Variants in UBE4A observed in about 807,000 individuals in gnomAD.
UBE4A encodes the protein ubiquitination factor E4A, also known as ubiquitin conjugation factor E4 A.
A neutral mutation model predicts 117.9 loss-of-function variants in UBE4A; 48 were observed. The ratio of observed to expected loss-of-function variants is 0.41; its 90% CI spans 0.32 to 0.52. UBE4A has a LOEUF of 0.52. Among genes scored for constraint, UBE4A ranks in the 20% least tolerant of loss-of-function variants. UBE4A has a pLI of 0.33. For synonymous variants in UBE4A, 407 were observed against 450.0 expected (o/e 0.90, Z 1.21); for missense variants, 1,067 against 1,296.3 (o/e 0.82, Z 2.72).
At chr11:118,372,408 C>T (rs1253714228) in intron 5 of UBE4A, 99 bp from the exon 6 acceptor site, 4 of 1,232,354 alleles carry the variant, frequency 3.2e-6, no homozygotes, top group East Asian at 5.3e-5. Context: ...CAAGCATCCA[C>T]AGGAGACCAG....
In UBE4A at chr11:118,384,617, G is replaced by A. The variant is rs782086643; in HGVS notation, c.2198-18G>A. ...ATGGCACCGCCTTTGCTGATATTTCGCTCTTGCCTTACTCCAGGAGACCCC... is the reference window on the plus strand; with the variant it reads ...ATGGCACCGCCTTTGCTGATATTTCACTCTTGCCTTACTCCAGGAGACCCC... On this transcript the variant is annotated intron_variant, in intron 13 of 19. Transcript: ENST00000252108. The A allele has an allele frequency of 7.5e-6, 12 of 1,607,910 alleles. No individual in the cohort carries two copies. Among genetic ancestry groups the A allele is most frequent in the South Asian group, 3.3e-5 (3 of 90,922 alleles).
Position 118,365,097 on chromosome 11 carries a change from A to T in UBE4A, c.17A>T (p.Asn6Ile). 6.2e-7 allele frequency: 1 copy of T among 1,614,022 alleles called. No individual in the cohort carries two copies. Among genetic ancestry groups the T allele is most frequent in the Non-Finnish European group, 8.5e-7 (1 of 1,179,966 alleles). ...TAAAGTGAAATGACAGACCAGGAGA[A>T]TAACAACAACATCTCAAGTAACCCC... MTDQE[N>I]NNNISSNPFA... is the part of the protein sequence containing the mutation. Residue 6 changes from asparagine to isoleucine, a missense_variant, in exon 2 of 20, where the codon AAT becomes ATT. Physicochemically the swap from Asn to Ile is moderately radical, Grantham distance 149. Coordinates refer to ENST00000252108, the MANE Select transcript of UBE4A (RefSeq NM_001204077.2).
chr11:118,372,640 T>A lies in UBE4A; in HGVS notation c.695T>A (p.Leu232Ter). 1 of 1,614,144 alleles carries A rather than the reference T, an allele frequency of 6.2e-7. No homozygotes were observed. Among genetic ancestry groups the A allele is most frequent in the Non-Finnish European group, 8.5e-7 (1 of 1,180,018 alleles). The change falls in exon 6 of 20, where the codon TTG becomes TAG. Residue 232 changes from leucine to a stop codon, truncating the protein, a stop_gained. Transcript: ENST00000252108. LOFTEE classifies it high-confidence loss of function. ...AACATCCATGAGCAACTGGTAGATT[T>A]GATGTTAGAAGCCATCCAGGGAGCC... is the stretch of plus-strand genomic sequence containing the variant. ...DQNIHEQLVD[L>*]MLEAIQGAHF... is the part of the protein sequence containing the mutation.
chr11:118,375,390 T>TA (rs1214946480), intron 9 of UBE4A, among the ~76,000 whole-genome samples, 161 bp downstream of exon 9: 3 of 152,128 alleles, frequency 2.0e-5, no homozygotes, highest in African/African-American at 7.2e-5. Flanking sequence ...GATGGAGTCT[T>TA]ACTCTGTCAC....
Position 118,384,946 on chromosome 11 carries a change from G to GAA in UBE4A, c.2412+1_2412+2insAA. 2 of 1,099,764 alleles carry GAA rather than the reference G, an allele frequency of 1.8e-6. No individual in the cohort carries two copies. Among genetic ancestry groups the GAA allele is most frequent in the South Asian group, 1.5e-5 (1 of 68,162 alleles). 68.1% of individuals were successfully genotyped at this position (1,099,764 alleles called of 1,614,324 possible). ...CTTCCTTTTGGATGAAGCCATACAGGTAAAAAAAAAAAAAAAAAAAAAGAT... is the reference window on the plus strand; with the variant it reads ...CTTCCTTTTGGATGAAGCCATACAGGAATAAAAAAAAAAAAAAAAAAAAAGAT... On this transcript the variant is annotated splice_donor_variant, in intron 15 of 19. Coordinates refer to ENST00000252108, the MANE Select transcript of UBE4A (RefSeq NM_001204077.2). LOFTEE classifies it high-confidence loss of function.
Position 118,384,747 on chromosome 11 carries a change from T to G in UBE4A, c.2298+12T>G. 1 of 1,613,346 alleles carries G rather than the reference T, an allele frequency of 6.2e-7. No individual in the cohort carries two copies. Among genetic ancestry groups the G allele is most frequent in the Non-Finnish European group, 8.5e-7 (1 of 1,179,396 alleles). ...GGGAGAGCATTAAGGTGAGAGAGTT[T>G]TTGATGAAACCTGTTGCTTTATATA... is the stretch of plus-strand genomic sequence containing the variant. On this transcript the variant is annotated intron_variant, in intron 14 of 19. Coordinates refer to ENST00000252108, the MANE Select transcript of UBE4A (RefSeq NM_001204077.2).
chr11:118,359,600 G>A lies in UBE4A; in HGVS notation c.-116G>A, dbSNP rs556235750. 6.6e-6 allele frequency: 1 copy of A among 152,248 alleles called. No homozygotes were observed. Among genetic ancestry groups the A allele is most frequent in the African/African-American group, 2.4e-5 (1 of 41,448 alleles). 9.4% of individuals were successfully genotyped at this position (152,248 alleles called of 1,614,324 possible). On this transcript the variant is annotated 5_prime_UTR_variant, in exon 1 of 20. In the 5' UTR this introduces an upstream ATG that the reference lacks. Coordinates refer to ENST00000252108, the MANE Select transcript of UBE4A (RefSeq NM_001204077.2). ...GTTGATGACGTAACTTCCGGTTGCTGTGCTGAGTCGGAAGTGGGAACCCTT... is the reference window on the plus strand; with the variant it reads ...GTTGATGACGTAACTTCCGGTTGCTATGCTGAGTCGGAAGTGGGAACCCTT...
At position 118,376,579 on chromosome 11, in the gene UBE4A, G is replaced by T; in HGVS notation, c.1456G>T (p.Asp486Tyr). 6.2e-7 allele frequency: 1 copy of T among 1,612,534 alleles called. No individual in the cohort carries two copies. The highest frequency in any genetic ancestry group is 8.5e-7 in the Non-Finnish European group (1 of 1,179,466). Residue 486 changes from aspartate to tyrosine, a missense_variant, in exon 10 of 20, where the codon GAC (aspartate) becomes TAC (tyrosine). This residue lies in a region of UBE4A where 1,001 missense variants were observed against 1,184.0 expected (regional missense o/e 0.85). Coordinates refer to ENST00000252108, the MANE Select transcript of UBE4A (RefSeq NM_001204077.2). ...KIKNVHMRGL[D>Y]KETCLIPAVQ... ...TTTTTTTTAACTTCTTTGAGGTTTG[G>T]ACAAAGAAACCTGTTTGATCCCAGC...
Position 118,368,795 on chromosome 11 carries a change from C to G in UBE4A, c.286C>G (p.Leu96Val). Residue 96 changes from leucine (L) to valine (V), a missense_variant, in exon 3 of 20, where the codon CTG becomes GTG. Leu to Val is a conservative substitution (Grantham distance 32, BLOSUM62 1). Coordinates refer to ENST00000252108, the MANE Select transcript of UBE4A (RefSeq NM_001204077.2). ...GATCCAAAGGATCTTCCTTATTACT[C>G]TGGACAACAGTGAGTTACAAACTTA... is the stretch of plus-strand genomic sequence containing the variant. ...HMIQRIFLIT[L>V]DNSDPSLKSG... is the part of the protein sequence containing the mutation. 1 of 1,614,142 alleles carries G rather than the reference C, an allele frequency of 6.2e-7. No individual in the cohort carries two copies. Among genetic ancestry groups the G allele is most frequent in the Non-Finnish European group, 8.5e-7 (1 of 1,180,012 alleles).
chr11:118,378,183 G>A (rs981014912), intron 10 of UBE4A, among the ~76,000 whole-genome samples: 1 of 150,642 alleles, frequency 6.6e-6, no homozygotes, highest in Non-Finnish European at 1.5e-5. Flanking sequence ...GGAGGCGGAG[G>A]TTGCAGTGAG....
At chr11:118,394,628 G>A (rs1288328435) in intron 19 of UBE4A, among the ~76,000 whole-genome samples, 4 of 151,992 alleles carry the variant, frequency 2.6e-5, no homozygotes, top group East Asian at 1.9e-4. Context: ...AAAATTAGCC[G>A]GGAGTGGTGA....
chr11:118,364,703 G>C (rs1425593667), intron 1 of UBE4A, among the ~76,000 whole-genome samples: 1 of 152,014 alleles, frequency 6.6e-6, no homozygotes, highest in African/African-American at 2.4e-5. Flanking sequence ...ACAATTAGTA[G>C]GTGAGTTCTC....
intron 2 of UBE4A, among the ~76,000 whole-genome samples, chr11:118,366,526 C>T (rs1948564583): frequency 6.6e-6 from 1 of 152,184 alleles, no homozygotes; most frequent in South Asian, 2.1e-4. Context: ...TATTTTGGCA[C>T]CTCATCATCC....
chr11:118,371,500 G>T lies in UBE4A; in HGVS notation c.409-14G>T. ...TTGCAATAGTTTAGTATTTTTGTTTGGTTTTCTTTATAGGCCCTCTTCGCT... is the reference window on the plus strand; with the variant it reads ...TTGCAATAGTTTAGTATTTTTGTTTTGTTTTCTTTATAGGCCCTCTTCGCT... On this transcript the variant is annotated splice_polypyrimidine_tract_variant and intron_variant, in intron 4 of 19. Transcript: ENST00000252108. 6.3e-7 allele frequency: 1 copy of T among 1,592,272 alleles called. No individual in the cohort carries two copies. Among genetic ancestry groups the T allele is most frequent in the African/African-American group, 1.4e-5 (1 of 73,888 alleles).
At chr11:118,388,782 T>C (rs1429412530) in intron 16 of UBE4A, among the ~76,000 whole-genome samples, 1 of 151,994 alleles carries the variant, frequency 6.6e-6, no homozygotes, top group South Asian at 2.1e-4. Context: ...ATGGTGCAGT[T>C]ACAACTGGAA....
Position 118,381,625 on chromosome 11 carries a change from T to A in UBE4A, c.2009+102T>A, listed in dbSNP as rs571232488. The A allele has an allele frequency of 4.3e-5, 64 of 1,475,508 alleles. 1 individual carries two copies. In the South Asian group the frequency reaches 8.4e-4, roughly 19 times the overall value. The allele number at this position is 1,475,508 out of a possible 1,614,324, so 91.4% of individuals were successfully genotyped here. On this transcript the variant is annotated intron_variant, in intron 12 of 19. Coordinates refer to ENST00000252108, the MANE Select transcript of UBE4A (RefSeq NM_001204077.2). ...CAAGCCTGAATCATAAGGGGTTGCCTTCAGAAGTTATGGTAACATTAAGGA... is the reference window on the plus strand; with the variant it reads ...CAAGCCTGAATCATAAGGGGTTGCCATCAGAAGTTATGGTAACATTAAGGA...
intron 8 of UBE4A, 121 bp from the exon 9 acceptor site, chr11:118,374,775 C>T (rs1555125080): frequency 3.3e-6 from 3 of 920,772 alleles, no homozygotes; most frequent in Non-Finnish European, 4.6e-6. Flanking sequence ...GGATGAGGCA[C>T]AGAGAGTGAG....
intron 11 of UBE4A, among the ~76,000 whole-genome samples, chr11:118,380,587 A>AAATT (rs1204085664): frequency 6.6e-6 from 1 of 152,098 alleles, no homozygotes; most frequent in Non-Finnish European, 1.5e-5. Flanking sequence ...CTCAGAAAAT[A>AAATT]AATTAATTAA....
At position 118,399,209 on chromosome 11, in the gene UBE4A, C is replaced by T. The variant is rs1948902731; in HGVS notation, c.*2769C>T. The T allele has an allele frequency of 5.6e-6, 2 of 358,618 alleles. No homozygotes were observed. Among genetic ancestry groups the T allele is most frequent in the Admixed American group, 3.2e-5 (1 of 31,632 alleles). The allele number at this position is 358,618 out of a possible 1,614,324, so 22.2% of individuals were successfully genotyped here. On this transcript the variant is annotated 3_prime_UTR_variant, in exon 20 of 20. Transcript: ENST00000252108. ...ATTTAATAAATGAACATCTGACTTA[C>T]AACCTTTGTTATCACTTTATTCCAG... is the stretch of plus-strand genomic sequence containing the variant.
Sources: gnomAD v4.1 joint callset for allele counts (sites outside exome capture counted in the v4.1 genomes callset) on GRCh38, gnomAD v4.1.1 for gene constraint, gnomAD v4.1.1 regional missense constraint, MANE v1.5 for transcripts, NCBI Gene and HGNC (gene_info 2026-07-23, HGNC 2026-07-21) for gene names.